The following EXD3 variants were observed in gnomAD, a reference collection of about 807,000 sequenced individuals.
The protein encoded by EXD3 is exonuclease mut-7 homolog.
Under a neutral mutation model 98.0 loss-of-function variants are expected in EXD3, and 92 were observed. That is an observed-to-expected ratio of 0.94 (90% CI 0.79 to 1.12). EXD3 has a LOEUF of 1.12. Ranked by LOEUF, EXD3 falls within the 50% of genes most tolerant of loss-of-function variation. The pLI, the probability that EXD3 is intolerant of heterozygous loss-of-function variation, is 0.00. For missense variants in EXD3, 1,222 were observed against 1,191.6 expected (o/e 1.03, Z -0.38); for synonymous variants, 569 against 526.0 (o/e 1.08, Z -1.12).
chr9:137,323,634 C>G (rs1277657937), intron 19 of EXD3, 91 bp downstream of exon 19: 19 of 1,508,246 alleles, frequency 1.3e-5, no homozygotes, highest in Middle Eastern at 2.1e-4. Context: ...CCAGACCCAC[C>G]ACTGTCTAGG....
Position 137,327,895 on chromosome 9 carries a change from CATG to C in EXD3, c.1999-3755_1999-3753del, listed in dbSNP as rs1447912517. Among the ~76,000 whole-genome samples, 2 of 58,504 alleles carry C rather than the reference CATG, an allele frequency of 3.4e-5. 1 individual carries two copies. The highest frequency in any genetic ancestry group is 1.4e-4 in the African/African-American group (2 of 14,446). The allele number at this position is 58,504 out of a possible 152,430, so 38.4% of individuals were successfully genotyped here. On this transcript the variant is annotated intron_variant, in intron 17 of 21. Coordinates refer to ENST00000340951, the MANE Select transcript of EXD3 (RefSeq NM_017820.5). ...AATAAAAACAATGAATAAACACCCA[CATG>C]ATGAGTAAAAACAACTAATATACTC... is the stretch of plus-strand genomic sequence containing the variant.
chr9:137,313,573 G>A (rs1588220233), intron 19 of EXD3, among the ~76,000 whole-genome samples: 1 of 152,206 alleles, frequency 6.6e-6, no homozygotes, highest in Non-Finnish European at 1.5e-5. Flanking sequence ...GAGCAAGCTT[G>A]TTGCAACCTC....
chr9:137,312,341 C>T (rs1831408095), intron 19 of EXD3, among the ~76,000 whole-genome samples: 1 of 152,160 alleles, frequency 6.6e-6, no homozygotes, highest in African/African-American at 2.4e-5. Flanking sequence ...GCTGGGAAGG[C>T]TCCCAGCTAC....
rs999296786 is a variant in EXD3, at chr9:137,360,169, T to C, written c.657-3801A>G. ...ATTAATGGTGCTTAGCAACTTTTCCTACATTGGCTATCTGGATATCCTCTT... is the reference window on the plus strand; with the variant it reads ...ATTAATGGTGCTTAGCAACTTTTCCCACATTGGCTATCTGGATATCCTCTT... On this transcript the variant is annotated intron_variant, in intron 7 of 21. Transcript: ENST00000340951. 3.5e-5 allele frequency among the ~76,000 whole-genome samples: 3 copies of C among 86,688 alleles called. 1 individual carries two copies. The highest frequency in any genetic ancestry group is 8.5e-5 in the Non-Finnish European group (3 of 35,306). The allele number at this position is 86,688 out of a possible 152,430, so 56.9% of individuals were successfully genotyped here.
At chr9:137,346,900 T>G (rs562341242) in intron 17 of EXD3, among the ~76,000 whole-genome samples, 2 of 152,032 alleles carry the variant, frequency 1.3e-5, no homozygotes, top group Non-Finnish European at 2.9e-5. Flanking sequence ...TGCTGCCACC[T>G]CTGCCTCCCG....
intron 20 of EXD3, among the ~76,000 whole-genome samples, chr9:137,308,875 G>T (rs1438062657): frequency 2.6e-5 from 4 of 152,126 alleles, no homozygotes; most frequent in Non-Finnish European, 5.9e-5. Flanking sequence ...TCAATCTCCT[G>T]ATCTTGTGAT....
chr9:137,351,519 C>T lies in EXD3; in HGVS notation c.1183G>A (p.Val395Met), dbSNP rs762914549. Residue 395 changes from valine (V) to methionine (M), a missense_variant, in exon 13 of 22, where the codon GTG becomes ATG. Coordinates refer to ENST00000340951, the MANE Select transcript of EXD3 (RefSeq NM_017820.5). The part of the protein sequence containing the change: ...HEGALLQCHQ[V>M]VGVDVEWTPV... ...GTCCACTCCACGTCTACACCAACCA[C>T]TTGGTGGCACTGCGGGCAGAGAGGG... The T allele has an allele frequency of 6.9e-6, 11 of 1,587,366 alleles. No homozygotes were observed. In the South Asian group the frequency reaches 1.3e-4, roughly 18 times the overall value.
chr9:137,371,561 G>T lies in EXD3; in HGVS notation c.462+1344C>A, dbSNP rs1835605914. Among the ~76,000 whole-genome samples, 1 of 152,072 alleles carries T rather than the reference G, an allele frequency of 6.6e-6. No homozygotes were observed. The highest frequency in any genetic ancestry group is 1.5e-5 in the Non-Finnish European group (1 of 67,964). ...TCCCACGTGGGCAGGCAGCGGGGTGGTGGCCTTCACGCTCGGCCCTGAAGT... is the reference window on the plus strand; with the variant it reads ...TCCCACGTGGGCAGGCAGCGGGGTGTTGGCCTTCACGCTCGGCCCTGAAGT... On this transcript the variant is annotated intron_variant, in intron 5 of 21. Transcript: ENST00000340951. The surrounding 1 kb of genome is among the most constrained non-coding windows in gnomAD (Gnocchi z 8.0).
chr9:137,367,476 T>G, intron 6 of EXD3: 1 of 158,222 alleles, frequency 6.3e-6, no homozygotes, highest in Non-Finnish European at 1.4e-5. Flanking sequence ...CGAAGTCCCA[T>G]TGTAGAAGCT....
chr9:137,405,742 A>T lies in EXD3; in HGVS notation c.-47-10338T>A, dbSNP rs559776723. ...CAAGTTCCTGATAAATGTTAGAGTT[A>T]GCCTGACTCAGCATGAGCCTGGCTT... On this transcript the variant is annotated intron_variant, in intron 1 of 21. Coordinates refer to ENST00000340951, the MANE Select transcript of EXD3 (RefSeq NM_017820.5). This position sits in a 1 kb window ranked among gnomAD's most constrained non-coding sequence, Gnocchi z 4.1. Among the ~76,000 whole-genome samples, 21 of 152,342 alleles carry T rather than the reference A, an allele frequency of 1.4e-4. No homozygotes were observed. In the South Asian group the frequency reaches 4.4e-3, roughly 32 times the overall value.
intron 8 of EXD3, 99 bp downstream of exon 8, chr9:137,356,169 C>T (rs1834775220): frequency 1.1e-6 from 1 of 891,998 alleles, no homozygotes; most frequent in Admixed American, 2.3e-5. Context: ...TCTTGGTTGG[C>T]ACCTGAACAA....
In EXD3 at chr9:137,352,654, C is replaced by G; in HGVS notation, c.1003G>C (p.Ala335Pro). The change falls in exon 11 of 22, where the codon GCT becomes CCT. Residue 335 changes from alanine (A) to proline (P), a missense_variant. Transcript: ENST00000340951. ...LPEERLPAAVAVELRRFRLQG... is the reference protein window; with the variant it reads ...LPEERLPAAVPVELRRFRLQG... ...AGCCTGAACCGGCGGAGTTCCACAG[C>G]CACCGCAGCCGGCAGCCGCTCCTCG... 9.0e-6 allele frequency: 14 copies of G among 1,548,682 alleles called. No individual in the cohort carries two copies. Among genetic ancestry groups the G allele is most frequent in the Non-Finnish European group, 1.2e-5 (14 of 1,146,630 alleles).
At chr9:137,401,152 CTT>C (rs34114761) in intron 1 of EXD3, among the ~76,000 whole-genome samples, 101 of 108,306 alleles carry the variant, frequency 9.3e-4, no homozygotes, top group South Asian at 6.7e-3. Flanking sequence ...CACCCATTTC[CTT>C]TTTTTTTTTT....
chr9:137,402,967 T>G (rs947459689), intron 1 of EXD3, among the ~76,000 whole-genome samples: 17 of 152,182 alleles, frequency 1.1e-4, no homozygotes, highest in African/African-American at 4.1e-4. Context: ...GAGAACAGCA[T>G]GGGAAAGACC....
At chr9:137,357,170 C>T (rs1834834955) in intron 7 of EXD3, 1 of 152,264 alleles carries the variant, frequency 6.6e-6, no homozygotes, top group African/African-American at 2.4e-5. Context: ...TTTTGAGGCT[C>T]TTCCATTTTC....
Position 137,348,138 on chromosome 9 carries a change from C to T in EXD3, c.1931G>A (p.Ser644Asn), listed in dbSNP as rs765675666. The change falls in exon 17 of 22, where the codon AGC becomes AAC. Residue 644 changes from serine to asparagine, a missense_variant. Ser to Asn is a conservative substitution (Grantham distance 46, BLOSUM62 1). Coordinates refer to ENST00000340951, the MANE Select transcript of EXD3 (RefSeq NM_017820.5). ...CDNMLQGLAR[S>N]LRCLGVDARM... ...TGCATCCACACCGAGACAGCGGAGG[C>T]TCCGTGCCAGCCCCTGCAGCATGTT... The T allele has an allele frequency of 6.2e-7, 1 of 1,612,304 alleles. No individual in the cohort carries two copies. The highest frequency in any genetic ancestry group is 8.5e-7 in the Non-Finnish European group (1 of 1,179,736).
chr9:137,405,739 G>A lies in EXD3; in HGVS notation c.-47-10335C>T, dbSNP rs1588432033. On this transcript the variant is annotated intron_variant, in intron 1 of 21. Coordinates refer to ENST00000340951, the MANE Select transcript of EXD3 (RefSeq NM_017820.5). The surrounding 1 kb of genome is among the most constrained non-coding windows in gnomAD (Gnocchi z 4.1). ...GATCAAGTTCCTGATAAATGTTAGA[G>A]TTAGCCTGACTCAGCATGAGCCTGG... Among the ~76,000 whole-genome samples, 1 of 152,342 alleles carries A rather than the reference G, an allele frequency of 6.6e-6. No homozygotes were observed. The highest frequency in any genetic ancestry group is 2.1e-4 in the South Asian group (1 of 4,828).
intron 3 of EXD3, among the ~76,000 whole-genome samples, chr9:137,380,372 A>G (rs1588390027): frequency 1.8e-5 from 1 of 56,244 alleles, no homozygotes; most frequent in Admixed American, 2.5e-4. Flanking sequence ...CATCCCCCTC[A>G]ATCCTCCCGC....
chr9:137,359,080 G>A (rs1834934738), intron 7 of EXD3, among the ~76,000 whole-genome samples: 1 of 85,740 alleles, frequency 1.2e-5, no homozygotes, highest in African/African-American at 3.2e-5. Context: ...CAGAGTAGCT[G>A]GGACTACAGG....
Sources: allele counts gnomAD v4.1 joint callset (sites outside exome capture counted in the v4.1 genomes callset), GRCh38; gene constraint gnomAD v4.1.1; non-coding constraint Gnocchi (gnomAD v3.1); transcripts MANE v1.5; gene names NCBI Gene and HGNC (gene_info 2026-07-23, HGNC 2026-07-21).